Variants in ADAR observed in about 807,000 individuals in gnomAD.
ADAR encodes double-stranded RNA-specific adenosine deaminase.
A neutral mutation model predicts 113.2 loss-of-function variants in ADAR; 41 were observed. That is an observed-to-expected ratio of 0.36 (90% CI 0.28 to 0.47). The LOEUF (loss-of-function observed/expected upper bound fraction) is 0.47, where lower values mean the gene tolerates loss of function less well. Among genes scored for constraint, ADAR ranks in the 20% least tolerant of loss-of-function variants. The probability of loss-of-function intolerance (pLI) is 1.00; values close to 1 mark genes in which losing one functional copy is unlikely to be tolerated. For missense variants in ADAR, 1,242 were observed against 1,540.9 expected (o/e 0.81, Z 3.25); for synonymous variants, 605 against 572.6 (o/e 1.06, Z -0.81).
intron 6 of ADAR, among the ~76,000 whole-genome samples, chr1:154,593,511 A>C (rs1258194821): frequency 6.6e-6 from 1 of 152,246 alleles, no homozygotes; most frequent in South Asian, 2.1e-4. Flanking sequence ...GCTGACTTGA[A>C]GTCCTAGAAA....
At chr1:154,616,666 T>C (rs1355343744) in intron 1 of ADAR, among the ~76,000 whole-genome samples, 1 of 152,238 alleles carries the variant, frequency 6.6e-6, no homozygotes, top group Non-Finnish European at 1.5e-5. Flanking sequence ...CTGTCTCTCT[T>C]ACTACAAGTT....
intron 6 of ADAR, among the ~76,000 whole-genome samples, 189 bp downstream of exon 6, chr1:154,596,616 C>T (rs1307958518): frequency 1.3e-5 from 2 of 152,190 alleles, no homozygotes; most frequent in Non-Finnish European, 2.9e-5. Context: ...ATCATGCTTA[C>T]TGGAAGAGTG....
intron 1 of ADAR, among the ~76,000 whole-genome samples, chr1:154,606,947 A>AAAATATAT (rs1553214982): frequency 6.7e-6 from 1 of 148,436 alleles, no homozygotes; most frequent in Non-Finnish European, 1.5e-5. Flanking sequence ...AAAAAAAAAA[A>AAAATATAT]ATATATATAT....
At chr1:154,623,160 C>T (rs1698838766) in intron 1 of ADAR, among the ~76,000 whole-genome samples, 1 of 152,116 alleles carries the variant, frequency 6.6e-6, no homozygotes, top group African/African-American at 2.4e-5. Flanking sequence ...GGGGGTTGTG[C>T]TCAGGTGTTT....
chr1:154,582,703 G>C lies in ADAR; in HGVS notation c.*2103C>G, dbSNP rs757149237. The C allele has an allele frequency of 1.3e-5, 2 of 152,306 alleles. No homozygotes were observed. The highest frequency in any genetic ancestry group is 1.3e-4 in the Admixed American group (2 of 15,274). 9.4% of individuals were successfully genotyped at this position (152,306 alleles called of 1,614,324 possible). A position where few individuals can be genotyped will look rare whatever the true frequency, so the allele number is the denominator to read the frequency against. On this transcript the variant is annotated 3_prime_UTR_variant, in exon 15 of 15. Coordinates refer to ENST00000368474, the MANE Select transcript of ADAR (RefSeq NM_001111.5). ...GCTGGAGAACCTAATGCCCAAGATG[G>C]ACCAGAGAGGCCAAACAACCTGAGG...
chr1:154,597,667 T>C (rs1571092486), intron 4 of ADAR, among the ~76,000 whole-genome samples, 161 bp downstream of exon 4: 1 of 152,302 alleles, frequency 6.6e-6, no homozygotes, highest in Non-Finnish European at 1.5e-5. Flanking sequence ...TCCCTAATTG[T>C]CTGCCTCACA....
rs149406533 is a variant in ADAR at position 154,601,708 on chromosome 1, C to T, written c.934G>A (p.Asp312Asn). 3.1e-6 allele frequency: 5 copies of T among 1,614,110 alleles called. No individual in the cohort carries two copies. Among genetic ancestry groups the T allele is most frequent in the Non-Finnish European group, 4.2e-6 (5 of 1,180,060 alleles). Reference protein sequence around the residue: ...KICDYLFNVSDSSALNLAKNI... With the variant: ...KICDYLFNVSNSSALNLAKNI... ...TTAGCCAAATTCAGGGCAGAGGAGTCAGACACATTGAAGAGATAGTCGCAG... is the reference window on the plus strand; with the variant it reads ...TTAGCCAAATTCAGGGCAGAGGAGTTAGACACATTGAAGAGATAGTCGCAG... Residue 312 changes from aspartate to asparagine, a missense_variant, in exon 2 of 15, where the codon GAC becomes AAC. Around this residue, in one of 2 missense-constraint regions of ADAR, gnomAD observed 462 missense variants for 483.1 expected, o/e 0.96. Transcript: ENST00000368474. This position sits in a 1 kb window ranked among gnomAD's most constrained non-coding sequence, Gnocchi z 4.7.
At chr1:154,608,733 A>G (rs1370633218), upstream of ADAR, 1 of 152,168 alleles carries the variant, frequency 6.6e-6, no homozygotes, top group Admixed American at 6.6e-5. Context: ...GCAAAAGGAA[A>G]ACAAAGGCAC....
Position 154,589,831 on chromosome 1 carries a change from C to A in ADAR, c.2594G>T (p.Gly865Val). The A allele has an allele frequency of 6.2e-7, 1 of 1,613,980 alleles. No homozygotes were observed. Among genetic ancestry groups the A allele is most frequent in the East Asian group, 2.2e-5 (1 of 44,864 alleles). Reference protein sequence around the residue: ...LTNSFQPSLLGRKILAAIIMK... With the variant: ...LTNSFQPSLLVRKILAAIIMK... ...AATGATGGCGGCCAGAATCTTGCGG[C>A]CGAGCAAGGAGGGCTGGAAGCTGTT... is the stretch of plus-strand genomic sequence containing the variant. Residue 865 changes from glycine to valine, a missense_variant, in exon 8 of 15, where the codon GGC becomes GTC. Physicochemically the swap from Gly to Val is moderately radical, Grantham distance 109. Transcript: ENST00000368474.
At chr1:154,588,368 C>T in intron 10 of ADAR, 110 bp from the exon 11 acceptor site, 3 of 1,554,164 alleles carry the variant, frequency 1.9e-6, no homozygotes, top group Non-Finnish European at 2.7e-6. Context: ...TAAGGCCTAC[C>T]ATGGGAGACT....
chr1:154,601,897 A>C lies in ADAR; in HGVS notation c.745T>G (p.Ser249Ala). The change falls in exon 2 of 15, where the codon TCA becomes GCA. Residue 249 changes from serine (S) to alanine (A), a missense_variant. This residue lies in a region of ADAR where 462 missense variants were observed against 483.1 expected (regional missense o/e 0.96). Transcript: ENST00000368474. The surrounding 1 kb of genome is among the most constrained non-coding windows in gnomAD (Gnocchi z 4.7). ...CTGTGCTGGTTCCAAGCCTGAGCTG[A>C]GACTGCAATAAAAGGCTCAAGAAGA... is the stretch of plus-strand genomic sequence containing the variant. ...EDLLEPFIAV[S>A]AQAWNQHSGV... The C allele has an allele frequency of 6.2e-7, 1 of 1,614,000 alleles. No homozygotes were observed. Among genetic ancestry groups the C allele is most frequent in the Non-Finnish European group, 8.5e-7 (1 of 1,179,992 alleles).
intron 1 of ADAR, among the ~76,000 whole-genome samples, chr1:154,622,330 G>A (rs1324757073): frequency 6.6e-6 from 1 of 152,164 alleles, no homozygotes; most frequent in Non-Finnish European, 1.5e-5. Flanking sequence ...TACTTCTGGA[G>A]GGCAAGATGG....
chr1:154,602,487 G>A lies in ADAR; in HGVS notation c.155C>T (p.Pro52Leu), dbSNP rs1454970654. 6.2e-7 allele frequency: 1 copy of A among 1,614,176 alleles called. No individual in the cohort carries two copies. The highest frequency in any genetic ancestry group is 8.5e-7 in the Non-Finnish European group (1 of 1,180,014). Residue 52 changes from proline (P) to leucine (L), a missense_variant, in exon 2 of 15, where the codon CCA becomes CTA. Physicochemically the swap from Pro to Leu is moderately conservative, Grantham distance 98. Transcript: ENST00000368474. ...KQIEFLKGQL[P>L]EAPVIGKQTP... ...CTGCTTTCCAATCACCGGTGCTTCT[G>A]GGAGCTGCCCCTTGAGAAATTCTAT...
intron 1 of ADAR, among the ~76,000 whole-genome samples, chr1:154,618,667 G>GTGAGAA (rs1348782970): frequency 2.0e-5 from 3 of 151,984 alleles, no homozygotes; most frequent in Non-Finnish European, 4.4e-5. Flanking sequence ...AAAAACAGCA[G>GTGAGAA]TGAGAAAAAG....
chr1:154,582,075 C>CT lies in ADAR; in HGVS notation c.*2730dup, dbSNP rs1696441332. On this transcript the variant is annotated 3_prime_UTR_variant, in exon 15 of 15. Transcript: ENST00000368474. Reference sequence around the variant, plus strand: ...TTAAAACTTTCTAAGAATTCAGATTCTTGTTTTTTTTTTATTTATGAGGAA... The same window carrying CT: ...TTAAAACTTTCTAAGAATTCAGATTCTTTGTTTTTTTTTTATTTATGAGGAA... 1 of 152,280 alleles carries CT rather than the reference C, an allele frequency of 6.6e-6. No homozygotes were observed. Among genetic ancestry groups the CT allele is most frequent in the Admixed American group, 6.6e-5 (1 of 15,248 alleles). 9.4% of individuals were successfully genotyped at this position (152,280 alleles called of 1,614,324 possible).
chr1:154,589,778 C>T lies in ADAR; in HGVS notation c.2647G>A (p.Val883Ile). 6.2e-6 allele frequency: 10 copies of T among 1,614,132 alleles called. No individual in the cohort carries two copies. Among genetic ancestry groups the T allele is most frequent in the Non-Finnish European group, 8.5e-6 (10 of 1,180,026 alleles). The change falls in exon 8 of 15, where the codon GTC becomes ATC. Residue 883 changes from valine (V) to isoleucine (I), a missense_variant. Val to Ile is a conservative substitution (Grantham distance 29, BLOSUM62 3). This residue lies in a region of ADAR where 780 missense variants were observed against 1,057.9 expected (regional missense o/e 0.74). Transcript: ENST00000368474. ...TCACCTGTTCCCAAGCTGACGACGA[C>T]ACCCATGTCCTCAGAGTCTTTTTTC... ...IMKKDSEDMG[V>I]VVSLGTGNRC... is the part of the protein sequence containing the mutation.
Position 154,596,969 on chromosome 1 carries a change from A to C in ADAR, c.2106T>G (p.Leu702=), listed in dbSNP as rs766148428. Residue 702 remains leucine, a synonymous_variant, in exon 6 of 15, where the codon CTT becomes CTG. Transcript: ENST00000368474. ...TGGGCATCATGGATTCCAAGTTATC[A>C]AGTGACTCTGAGATCATACCTTCAG... ...NQPEGMISES[L]DNLESMMPNK... 3 of 1,614,222 alleles carry C rather than the reference A, an allele frequency of 1.9e-6. No homozygotes were observed. The East Asian group carries it at 6.7e-5, about 36-fold the overall frequency.
chr1:154,587,649 G>A (rs1239183972), intron 11 of ADAR, among the ~76,000 whole-genome samples: 1 of 152,206 alleles, frequency 6.6e-6, no homozygotes, highest in Admixed American at 6.5e-5. Context: ...GGAGACAGGA[G>A]AGGATAGGAG....
chr1:154,616,585 C>A (rs1698641100), intron 1 of ADAR, among the ~76,000 whole-genome samples: 1 of 152,000 alleles, frequency 6.6e-6, no homozygotes, highest in Non-Finnish European at 1.5e-5. Flanking sequence ...ATTTCAAGAC[C>A]CCCTCCTCTC....
Sources: allele counts gnomAD v4.1 joint callset (sites outside exome capture counted in the v4.1 genomes callset), GRCh38; gene constraint gnomAD v4.1.1; regional missense constraint gnomAD v4.1.1; non-coding constraint Gnocchi (gnomAD v3.1); transcripts MANE v1.5; gene names NCBI Gene and HGNC (gene_info 2026-07-23, HGNC 2026-07-21).